Variants in INSM1 observed in about 807,000 individuals in gnomAD.
INSM1 encodes the protein INSM transcriptional repressor 1.
Under a neutral mutation model 21.1 loss-of-function variants are expected in INSM1, and 11 were observed. That is an observed-to-expected ratio of 0.52 (90% CI 0.33 to 0.86). INSM1 has a LOEUF of 0.86. INSM1 is among the 40% of genes least tolerant of loss of function. INSM1 has a pLI of 0.03. For synonymous variants in INSM1, 473 were observed against 386.1 expected (o/e 1.23, Z -2.64); for missense variants, 843 against 760.1 (o/e 1.11, Z -1.28).
Position 20,369,347 on chromosome 20 carries a change from G to C in INSM1, c.1080G>C (p.Ser360=). ...DTPSPGGVSE[S]GSEDGLYECH... is the part of the protein sequence containing the mutation. ...CGAGCCCCGGCGGCGTGTCCGAGTC[G>C]GGCTCCGAGGACGGGCTCTACGAGT... Residue 360 remains serine, a synonymous_variant, in exon 1 of 1, where the codon TCG becomes TCC. Transcript: ENST00000310227. The surrounding 1 kb of genome is among the most constrained non-coding windows in gnomAD (Gnocchi z 5.6). 1 of 1,476,320 alleles carries C rather than the reference G, an allele frequency of 6.8e-7. No homozygotes were observed. The highest frequency in any genetic ancestry group is 8.9e-7 in the Non-Finnish European group (1 of 1,125,888). The allele number at this position is 1,476,320 out of a possible 1,614,324, so 91.5% of individuals were successfully genotyped here.
In INSM1 at chr20:20,369,737, G is replaced by T; in HGVS notation, c.1470G>T (p.Lys490Asn). 1 of 1,602,826 alleles carries T rather than the reference G, an allele frequency of 6.2e-7. No homozygotes were observed. The highest frequency in any genetic ancestry group is 8.5e-7 in the Non-Finnish European group (1 of 1,179,626). Residue 490 changes from lysine (K) to asparagine (N), a missense_variant, in exon 1 of 1, where the codon AAG becomes AAT. Lys to Asn is a moderately conservative substitution (Grantham distance 94). Transcript: ENST00000310227. The surrounding 1 kb of genome is among the most constrained non-coding windows in gnomAD (Gnocchi z 5.6). Reference sequence around the variant, plus strand: ...CCGGCCTTACGCGGCACATCAACAAGTGCCACCCATCCGAAAACAGACAGG... The same window carrying T: ...CCGGCCTTACGCGGCACATCAACAATTGCCACCCATCCGAAAACAGACAGG... ...SSPGLTRHIN[K>N]CHPSENRQVI... is the part of the protein sequence containing the mutation.
At position 20,368,878 on chromosome 20, in the gene INSM1, C is replaced by G; in HGVS notation, c.611C>G (p.Pro204Arg). Residue 204 changes from proline to arginine, a missense_variant, in exon 1 of 1, where the codon CCC (proline) becomes CGC (arginine). By Grantham distance (103) the Pro-to-Arg change is moderately radical. Transcript: ENST00000310227. The surrounding 1 kb of genome is among the most constrained non-coding windows in gnomAD (Gnocchi z 4.3). ...CGGCCCCCGGGAAAGCGGCCCCCGC[C>G]CCCTACCGCCGCGGAGCCGCCCGCC... The part of the protein sequence containing the change: ...ALRPPGKRPP[P>R]PTAAEPPAKA... 2 of 1,443,690 alleles carry G rather than the reference C, an allele frequency of 1.4e-6. No homozygotes were observed. Among genetic ancestry groups the G allele is most frequent in the Non-Finnish European group, 1.8e-6 (2 of 1,099,176 alleles). 89.4% of individuals were successfully genotyped at this position (1,443,690 alleles called of 1,614,324 possible).
chr20:20,368,876 GC>G lies in INSM1; in HGVS notation c.614del (p.Pro205LeufsTer31). 3 of 1,426,290 alleles carry G rather than the reference GC, an allele frequency of 2.1e-6. No homozygotes were observed. Among genetic ancestry groups the G allele is most frequent in the Non-Finnish European group, 1.8e-6 (2 of 1,089,904 alleles). 88.4% of individuals were successfully genotyped at this position (1,426,290 alleles called of 1,614,324 possible). A position where few individuals can be genotyped will look rare whatever the true frequency, so the allele number is the denominator to read the frequency against. Reference sequence around the variant, plus strand: ...TGCGGCCCCCGGGAAAGCGGCCCCCGCCCCCTACCGCCGCGGAGCCGCCCGC... The same window carrying G: ...TGCGGCCCCCGGGAAAGCGGCCCCCGCCCCTACCGCCGCGGAGCCGCCCGC... The part of the protein sequence containing the change: ...ALRPPGKRPP[P>X]PTAAEPPAKA... On this transcript the variant is annotated frameshift_variant, in exon 1 of 1. Coordinates refer to ENST00000310227, the MANE Select transcript of INSM1 (RefSeq NM_002196.3). LOFTEE classifies it high-confidence loss of function. The surrounding 1 kb of genome is among the most constrained non-coding windows in gnomAD (Gnocchi z 4.3).
chr20:20,368,992 G>T lies in INSM1; in HGVS notation c.725G>T (p.Gly242Val). 6.5e-7 allele frequency: 1 copy of T among 1,545,908 alleles called. No individual in the cohort carries two copies. The highest frequency in any genetic ancestry group is 8.7e-7 in the Non-Finnish European group (1 of 1,148,660). The change falls in exon 1 of 1, where the codon GGG (glycine) becomes GTG (valine). Residue 242 changes from glycine to valine, a missense_variant. Coordinates refer to ENST00000310227, the MANE Select transcript of INSM1 (RefSeq NM_002196.3). The surrounding 1 kb of genome is among the most constrained non-coding windows in gnomAD (Gnocchi z 4.3). Reference protein sequence around the residue: ...EDEVTTSPVLGLKIKEGPVEA... With the variant: ...EDEVTTSPVLVLKIKEGPVEA... Reference sequence around the variant, plus strand: ...GAGGTGACCACGTCGCCCGTGCTGGGGCTCAAGATCAAGGAGGGCCCGGTG... The same window carrying T: ...GAGGTGACCACGTCGCCCGTGCTGGTGCTCAAGATCAAGGAGGGCCCGGTG...
chr20:20,368,824 G>GC lies in INSM1; in HGVS notation c.563dup (p.Leu189ThrfsTer150). Reference sequence around the variant, plus strand: ...GAGGCGGCCCGCGGCCCGGGCCCCGGCCCCCCACTGCCCCCTGCCGCCGCC... The same window carrying GC: ...GAGGCGGCCCGCGGCCCGGGCCCCGGCCCCCCCACTGCCCCCTGCCGCCGCC... On this transcript the variant is annotated frameshift_variant, in exon 1 of 1. Transcript: ENST00000310227. LOFTEE classifies it high-confidence loss of function. The surrounding 1 kb of genome is among the most constrained non-coding windows in gnomAD (Gnocchi z 4.3). 1 of 1,130,122 alleles carries GC rather than the reference G, an allele frequency of 8.8e-7. No individual in the cohort carries two copies. Among genetic ancestry groups the GC allele is most frequent in the Non-Finnish European group, 1.1e-6 (1 of 904,816 alleles). 70.0% of individuals were successfully genotyped at this position (1,130,122 alleles called of 1,614,324 possible).
chr20:20,368,366 G>T lies in INSM1; in HGVS notation c.99G>T (p.Ser33=). The change falls in exon 1 of 1, where the codon TCG becomes TCT. Residue 33 remains serine (S), a synonymous_variant. Coordinates refer to ENST00000310227, the MANE Select transcript of INSM1 (RefSeq NM_002196.3). This position sits in a 1 kb window ranked among gnomAD's most constrained non-coding sequence, Gnocchi z 4.3. ...ACGGCGACCGCGCACTGCTGCTCTC[G>T]CCCAGCTGCGGGGGCGCCCGCGCCG... is the stretch of plus-strand genomic sequence containing the variant. ...GEDGDRALLL[S]PSCGGARAEP... is the part of the protein sequence containing the mutation. 1 of 1,136,574 alleles carries T rather than the reference G, an allele frequency of 8.8e-7. No individual in the cohort carries two copies. Among genetic ancestry groups the T allele is most frequent in the Non-Finnish European group, 1.1e-6 (1 of 918,340 alleles). The allele number at this position is 1,136,574 out of a possible 1,614,324, so 70.4% of individuals were successfully genotyped here.
chr20:20,370,809 C>T lies in INSM1; in HGVS notation c.*1009C>T, dbSNP rs1449686528. ...GAGGGTCCCCAGGGCCCTTGTACAA[C>T]CGACAGCTCTTACTTTTAAATGCAA... On this transcript the variant is annotated 3_prime_UTR_variant, in exon 1 of 1. Coordinates refer to ENST00000310227, the MANE Select transcript of INSM1 (RefSeq NM_002196.3). The T allele has an allele frequency of 1.2e-5, 2 of 167,008 alleles. No individual in the cohort carries two copies. Among genetic ancestry groups the T allele is most frequent in the Admixed American group, 1.3e-4 (2 of 15,266 alleles). The allele number at this position is 167,008 out of a possible 1,614,324, so 10.3% of individuals were successfully genotyped here.
chr20:20,368,169 G>A lies in INSM1; in HGVS notation c.-99G>A. 1.1e-6 allele frequency: 1 copy of A among 921,940 alleles called. No individual in the cohort carries two copies. Among genetic ancestry groups the A allele is most frequent in the African/African-American group, 1.8e-5 (1 of 55,832 alleles). The allele number at this position is 921,940 out of a possible 1,614,324, so 57.1% of individuals were successfully genotyped here. ...TCGCCGGCGCCACGCGAGTCCCGCA[G>A]CCGCCGCGCCCGGGCAATGGGCCGG... On this transcript the variant is annotated 5_prime_UTR_variant, in exon 1 of 1. Transcript: ENST00000310227. The surrounding 1 kb of genome is among the most constrained non-coding windows in gnomAD (Gnocchi z 4.3).
chr20:20,369,633 C>G lies in INSM1; in HGVS notation c.1366C>G (p.Gln456Glu), dbSNP rs755151592. 57 of 1,600,666 alleles carry G rather than the reference C, an allele frequency of 3.6e-5. No homozygotes were observed. The highest frequency in any genetic ancestry group is 4.8e-5 in the Non-Finnish European group (57 of 1,179,756). Residue 456 changes from glutamine to glutamate, a missense_variant, in exon 1 of 1, where the codon CAG (glutamine) becomes GAG (glutamate). Physicochemically the swap from Gln to Glu is conservative, Grantham distance 29. Transcript: ENST00000310227. This position sits in a 1 kb window ranked among gnomAD's most constrained non-coding sequence, Gnocchi z 5.6. ...AGAGTCGTTCGCCAGCAAGGGCGCT[C>G]AGGAGCGCCACCTGCGCCTGCTGCA... ...CGESFASKGAQERHLRLLHAA... is the reference protein window; with the variant it reads ...CGESFASKGAEERHLRLLHAA...
Position 20,368,118 on chromosome 20 carries a change from G to A in INSM1, c.-150G>A. ...CGGGCCCGGGGACAGGGACGCGCGT[G>A]CAGGGCGCAGAGCTGGGCCGAGCCG... On this transcript the variant is annotated 5_prime_UTR_variant, in exon 1 of 1. Transcript: ENST00000310227. This position sits in a 1 kb window ranked among gnomAD's most constrained non-coding sequence, Gnocchi z 4.3. The A allele has an allele frequency of 2.3e-6, 1 of 431,182 alleles. No individual in the cohort carries two copies. The highest frequency in any genetic ancestry group is 3.2e-6 in the Non-Finnish European group (1 of 314,210). The allele number at this position is 431,182 out of a possible 1,614,324, so 26.7% of individuals were successfully genotyped here.
Position 20,369,587 on chromosome 20 carries a change from C to T in INSM1, c.1320C>T (p.Cys440=), listed in dbSNP as rs2059491471. ...GVLGLSASAE[C]HLCPVCGESF... The stretch of plus-strand genomic sequence containing the variant: ...TGGGCCTGAGTGCGTCCGCCGAGTG[C>T]CACCTGTGCCCAGTGTGCGGAGAGT... Residue 440 remains cysteine, a synonymous_variant, in exon 1 of 1, where the codon TGC becomes TGT. Coordinates refer to ENST00000310227, the MANE Select transcript of INSM1 (RefSeq NM_002196.3). This position sits in a 1 kb window ranked among gnomAD's most constrained non-coding sequence, Gnocchi z 5.6. 6.3e-7 allele frequency: 1 copy of T among 1,599,418 alleles called. No homozygotes were observed. Among genetic ancestry groups the T allele is most frequent in the African/African-American group, 1.3e-5 (1 of 74,960 alleles).
chr20:20,369,524 C>G lies in INSM1; in HGVS notation c.1257C>G (p.Pro419=). The G allele has an allele frequency of 6.4e-7, 1 of 1,556,424 alleles. No individual in the cohort carries two copies. Among genetic ancestry groups the G allele is most frequent in the South Asian group, 1.2e-5 (1 of 85,732 alleles). ...ACCCCGGGCCCGACGAGAAGGCGCC[C>G]CAGGAGGCGGCCGGCGACGGCGAGG... ...ALYPGPDEKA[P]QEAAGDGEGA... is the part of the protein sequence containing the mutation. Residue 419 remains proline (P), a synonymous_variant, in exon 1 of 1, where the codon CCC becomes CCG. Transcript: ENST00000310227. This position sits in a 1 kb window ranked among gnomAD's most constrained non-coding sequence, Gnocchi z 5.6.
In INSM1 at chr20:20,370,593, A is replaced by G. The variant is rs888915499; in HGVS notation, c.*793A>G. Reference sequence around the variant, plus strand: ...TGTTATTTATTCTTTATTTATTTATATTAATTATGAAGATTATGATATTAT... The same window carrying G: ...TGTTATTTATTCTTTATTTATTTATGTTAATTATGAAGATTATGATATTAT... On this transcript the variant is annotated 3_prime_UTR_variant, in exon 1 of 1. Coordinates refer to ENST00000310227, the MANE Select transcript of INSM1 (RefSeq NM_002196.3). 1 of 166,992 alleles carries G rather than the reference A, an allele frequency of 6.0e-6. No individual in the cohort carries two copies. The highest frequency in any genetic ancestry group is 2.4e-5 in the African/African-American group (1 of 41,440). 10.3% of individuals were successfully genotyped at this position (166,992 alleles called of 1,614,324 possible). A position where few individuals can be genotyped will look rare whatever the true frequency, so the allele number is the denominator to read the frequency against.
In INSM1 at chr20:20,368,547, G is replaced by C; in HGVS notation, c.280G>C (p.Ala94Pro). The C allele has an allele frequency of 7.2e-7, 1 of 1,384,024 alleles. No individual in the cohort carries two copies. Among genetic ancestry groups the C allele is most frequent in the Non-Finnish European group, 9.5e-7 (1 of 1,049,978 alleles). 85.7% of individuals were successfully genotyped at this position (1,384,024 alleles called of 1,614,324 possible). ...CGCGCACTTCGGCAACCCCGAGGCT[G>C]CGCACCCCGCGCCGCTCTACAGTCC... is the stretch of plus-strand genomic sequence containing the variant. ...RAAHFGNPEA[A>P]HPAPLYSPTR... The change falls in exon 1 of 1, where the codon GCG becomes CCG. Residue 94 changes from alanine to proline, a missense_variant. Physicochemically the swap from Ala to Pro is conservative, Grantham distance 27. Coordinates refer to ENST00000310227, the MANE Select transcript of INSM1 (RefSeq NM_002196.3). The surrounding 1 kb of genome is among the most constrained non-coding windows in gnomAD (Gnocchi z 4.3).
At position 20,370,907 on chromosome 20, in the gene INSM1, G is replaced by C. The variant is rs1318031408; in HGVS notation, c.*1107G>C. On this transcript the variant is annotated 3_prime_UTR_variant, in exon 1 of 1. Transcript: ENST00000310227. The stretch of plus-strand genomic sequence containing the variant: ...AAGCTTCAATAGAACTGTTTCAACT[G>C]TATAACTATTTACTATTCAAATAAA... 6.0e-6 allele frequency: 1 copy of C among 166,900 alleles called. No individual in the cohort carries two copies. Among genetic ancestry groups the C allele is most frequent in the African/African-American group, 2.4e-5 (1 of 41,452 alleles). The allele number at this position is 166,900 out of a possible 1,614,324, so 10.3% of individuals were successfully genotyped here. A position where few individuals can be genotyped will look rare whatever the true frequency, so the allele number is the denominator to read the frequency against.
In INSM1 at chr20:20,368,243, T is replaced by G; in HGVS notation, c.-25T>G. On this transcript the variant is annotated 5_prime_UTR_variant, in exon 1 of 1. Transcript: ENST00000310227. The surrounding 1 kb of genome is among the most constrained non-coding windows in gnomAD (Gnocchi z 4.3). ...GAGCGCGGAGGGGGGACCGAGCCAGTGCCGTGCCCTCGGGCCGCGCCAACA... is the reference window on the plus strand; with the variant it reads ...GAGCGCGGAGGGGGGACCGAGCCAGGGCCGTGCCCTCGGGCCGCGCCAACA... The G allele has an allele frequency of 1.7e-6, 2 of 1,184,742 alleles. No homozygotes were observed. The highest frequency in any genetic ancestry group is 2.3e-5 in the South Asian group (1 of 44,360). The allele number at this position is 1,184,742 out of a possible 1,614,324, so 73.4% of individuals were successfully genotyped here.
Position 20,369,776 on chromosome 20 carries a change from G to A in INSM1, c.1509G>A (p.Gln503=), listed in dbSNP as rs748852352. The stretch of plus-strand genomic sequence containing the variant: ...AAAACAGACAGGTGATCCTCCTGCA[G>A]GTGCCCGTGCGCCCGGCCTGCTAGA... The part of the protein sequence containing the change: ...PSENRQVILL[Q]VPVRPAC The change falls in exon 1 of 1, where the codon CAG becomes CAA. Residue 503 remains glutamine, a synonymous_variant. Coordinates refer to ENST00000310227, the MANE Select transcript of INSM1 (RefSeq NM_002196.3). This position sits in a 1 kb window ranked among gnomAD's most constrained non-coding sequence, Gnocchi z 5.6. The A allele has an allele frequency of 5.6e-6, 9 of 1,600,138 alleles. No individual in the cohort carries two copies. In the South Asian group the frequency reaches 7.8e-5, roughly 14 times the overall value.
At position 20,369,776 on chromosome 20, in the gene INSM1, G is replaced by T; in HGVS notation, c.1509G>T (p.Gln503His). ...PSENRQVILLQVPVRPAC is the reference protein window; with the variant it reads ...PSENRQVILLHVPVRPAC Reference sequence around the variant, plus strand: ...AAAACAGACAGGTGATCCTCCTGCAGGTGCCCGTGCGCCCGGCCTGCTAGA... The same window carrying T: ...AAAACAGACAGGTGATCCTCCTGCATGTGCCCGTGCGCCCGGCCTGCTAGA... Residue 503 changes from glutamine (Q) to histidine (H), a missense_variant, in exon 1 of 1, where the codon CAG (glutamine) becomes CAT (histidine). Gln to His is a conservative substitution (Grantham distance 24). Transcript: ENST00000310227. The surrounding 1 kb of genome is among the most constrained non-coding windows in gnomAD (Gnocchi z 5.6). 1 of 1,600,138 alleles carries T rather than the reference G, an allele frequency of 6.2e-7. No homozygotes were observed.
At position 20,369,506 on chromosome 20, in the gene INSM1, G is replaced by A. The variant is rs752571863; in HGVS notation, c.1239G>A (p.Gly413=). 1 of 1,545,516 alleles carries A rather than the reference G, an allele frequency of 6.5e-7. No homozygotes were observed. The highest frequency in any genetic ancestry group is 1.2e-5 in the South Asian group (1 of 84,646). ...AGGACCTACTGGCCTTGTACCCCGG[G>A]CCCGACGAGAAGGCGCCCCAGGAGG... ...PAEDLLALYP[G]PDEKAPQEAA... The change falls in exon 1 of 1, where the codon GGG becomes GGA. Residue 413 remains glycine (G), a synonymous_variant. Coordinates refer to ENST00000310227, the MANE Select transcript of INSM1 (RefSeq NM_002196.3). This position sits in a 1 kb window ranked among gnomAD's most constrained non-coding sequence, Gnocchi z 5.6.
Sources: gnomAD v4.1 joint callset for allele counts on GRCh38, gnomAD v4.1.1 for gene constraint, Gnocchi (gnomAD v3.1) non-coding constraint, MANE v1.5 for transcripts, NCBI Gene and HGNC (gene_info 2026-07-23, HGNC 2026-07-21) for gene names.